The following RBFOX1 variants were observed in gnomAD, a reference collection of about 807,000 sequenced individuals.
RBFOX1 encodes the protein RNA binding protein fox-1 homolog 1.
A neutral mutation model predicts 57.7 loss-of-function variants in RBFOX1; 8 were observed. The ratio of observed to expected loss-of-function variants is 0.14; its 90% CI spans 0.08 to 0.25. The LOEUF (loss-of-function observed/expected upper bound fraction) is 0.25, where lower values mean the gene tolerates loss of function less well. RBFOX1 is among the 10% of genes least tolerant of loss of function. RBFOX1 has a pLI of 1.00. For synonymous variants in RBFOX1, 326 were observed against 222.4 expected (o/e 1.47, Z -4.15); for missense variants, 611 against 548.5 (o/e 1.11, Z -1.14).
At position 5,289,342 on chromosome 16, in the gene RBFOX1, C is replaced by G. The variant is rs1222986512; in HGVS notation, c.219+49237C>G. On this transcript the variant is annotated intron_variant, in intron 1 of 2. Coordinates refer to the RBFOX1 transcript ENST00000585867. Reference sequence around the variant, plus strand: ...AGGAGCAGGTTCCACTGGCATCACCCCAGGAGGAGGAGGAGGGCCCATCAT... The same window carrying G: ...AGGAGCAGGTTCCACTGGCATCACCGCAGGAGGAGGAGGAGGGCCCATCAT... 2.5e-5 allele frequency: 10 copies of G among 407,530 alleles called. No homozygotes were observed. The East Asian group carries it at 4.2e-4, about 17-fold the overall frequency. 25.2% of individuals were successfully genotyped at this position (407,530 alleles called of 1,614,324 possible). A position where few individuals can be genotyped will look rare whatever the true frequency, so the allele number is the denominator to read the frequency against.
intron 1 of RBFOX1, among the ~76,000 whole-genome samples, chr16:5,316,242 G>T (rs2064234770): frequency 6.6e-6 from 1 of 152,216 alleles, no homozygotes; most frequent in South Asian, 2.1e-4. Context: ...TGACTCAACA[G>T]GCTAGGGAAA....
At chr16:7,134,436 C>T (rs1185015375) in intron 4 of RBFOX1, among the ~76,000 whole-genome samples, 1 of 152,062 alleles carries the variant, frequency 6.6e-6, no homozygotes, top group African/African-American at 2.4e-5. Context: ...GTGATGCATC[C>T]AATTATTGAT....
intron 3 of RBFOX1, among the ~76,000 whole-genome samples, chr16:5,821,877 C>T (rs2151805686): frequency 6.6e-6 from 1 of 152,202 alleles, no homozygotes; most frequent in African/African-American, 2.4e-5. Flanking sequence ...TCCTGCAGCC[C>T]TTTTATAAGG....
At chr16:7,037,218 G>C (rs1249450626) in intron 3 of RBFOX1, among the ~76,000 whole-genome samples, 2 of 145,272 alleles carry the variant, frequency 1.4e-5, no homozygotes, top group African/African-American at 5.2e-5. Flanking sequence ...AGCCCAGTAG[G>C]TCTTAGCCTC....
intron 4 of RBFOX1, among the ~76,000 whole-genome samples, chr16:7,432,352 C>T (rs2098688799): frequency 6.6e-6 from 1 of 152,192 alleles, no homozygotes; most frequent in Non-Finnish European, 1.5e-5. Flanking sequence ...CTACCCCACT[C>T]ATCTTTACTC....
At chr16:5,901,113 C>T (rs563629539) in intron 4 of RBFOX1, among the ~76,000 whole-genome samples, 2 of 152,146 alleles carry the variant, frequency 1.3e-5, no homozygotes, top group African/African-American at 2.4e-5. Context: ...AACGGAGACG[C>T]GTGTTGATTA....
At chr16:5,816,176 C>T (rs548388686) in intron 3 of RBFOX1, among the ~76,000 whole-genome samples, 3 of 152,314 alleles carry the variant, frequency 2.0e-5, no homozygotes, top group African/African-American at 7.2e-5. Context: ...AGATGCTCCT[C>T]ATCCTTCATC....
At chr16:7,509,780 C>T (rs2074493807) in intron 4 of RBFOX1, among the ~76,000 whole-genome samples, 1 of 152,200 alleles carries the variant, frequency 6.6e-6, no homozygotes, top group South Asian at 2.1e-4. Context: ...TGTCTCTTCC[C>T]TTTTATCCCT....
At chr16:5,367,574 A>G (rs1428730330) in intron 1 of RBFOX1, among the ~76,000 whole-genome samples, 1 of 152,166 alleles carries the variant, frequency 6.6e-6, no homozygotes, top group African/African-American at 2.4e-5. Flanking sequence ...TCCCCAGTGG[A>G]TACTATTACT....
chr16:5,684,698 T>C (rs2050449056), intron 3 of RBFOX1, among the ~76,000 whole-genome samples: 1 of 152,134 alleles, frequency 6.6e-6, no homozygotes, highest in Admixed American at 6.5e-5. Flanking sequence ...AGGGAGCCGT[T>C]GAAGCTATCA....
At chr16:5,441,468 T>C (rs1352019318) in intron 1 of RBFOX1, among the ~76,000 whole-genome samples, 1 of 150,098 alleles carries the variant, frequency 6.7e-6, no homozygotes, top group Non-Finnish European at 1.5e-5. Context: ...AGGTTCAAGC[T>C]ATTCTCCTGC....
chr16:5,843,892 C>T (rs2056687891), intron 3 of RBFOX1, among the ~76,000 whole-genome samples: 1 of 152,194 alleles, frequency 6.6e-6, no homozygotes, highest in Admixed American at 6.5e-5. Flanking sequence ...CCAACAAGCG[C>T]ACCTGAGTTG....
At chr16:7,609,860 C>A (rs555367478) in intron 10 of RBFOX1, among the ~76,000 whole-genome samples, 1 of 152,048 alleles carries the variant, frequency 6.6e-6, no homozygotes, top group Non-Finnish European at 1.5e-5. Context: ...CTCTGTCTCC[C>A]AGGCTGGAGT....
At chr16:7,539,117 G>A (rs2082246197) in intron 5 of RBFOX1, among the ~76,000 whole-genome samples, 1 of 152,118 alleles carries the variant, frequency 6.6e-6, no homozygotes, top group South Asian at 2.1e-4. Flanking sequence ...CAAGGAGAGG[G>A]GAAAAGACTC....
chr16:7,209,598 G>C (rs142978852), intron 4 of RBFOX1, among the ~76,000 whole-genome samples: 60 of 152,168 alleles, frequency 3.9e-4, no homozygotes, highest in African/African-American at 1.4e-3. Context: ...ATCAAAAATG[G>C]CTCCTCTTAC....
chr16:7,191,094 CTG>C (rs1482979478), intron 4 of RBFOX1, among the ~76,000 whole-genome samples: 1 of 152,090 alleles, frequency 6.6e-6, no homozygotes, highest in Non-Finnish European at 1.5e-5. Context: ...CATAATGAAA[CTG>C]TGATTCCTAA....
chr16:6,029,996 C>G (rs1394994372), intron 1 of RBFOX1, among the ~76,000 whole-genome samples: 1 of 152,096 alleles, frequency 6.6e-6, no homozygotes, highest in Non-Finnish European at 1.5e-5. Context: ...TCACTTCAAC[C>G]TCTGCCTCCT....
chr16:6,049,168 A>G (rs1053545620), intron 1 of RBFOX1, among the ~76,000 whole-genome samples: 3 of 144,534 alleles, frequency 2.1e-5, no homozygotes, highest in Non-Finnish European at 3.0e-5. Flanking sequence ...GGTTCAAGTG[A>G]TTCTCCTGCC....
intron 1 of RBFOX1, among the ~76,000 whole-genome samples, chr16:5,397,453 A>C (rs1244703633): frequency 6.6e-6 from 1 of 152,200 alleles, no homozygotes; most frequent in East Asian, 1.9e-4. Flanking sequence ...CCTGCATGTG[A>C]GGTCTGTGGT....
Sources: gnomAD v4.1 joint callset for allele counts (sites outside exome capture counted in the v4.1 genomes callset) on GRCh38, gnomAD v4.1.1 for gene constraint, MANE v1.5 for transcripts, NCBI Gene and HGNC (gene_info 2026-07-23, HGNC 2026-07-21) for gene names.